KLKB1: variants seen among roughly 807,000 people sequenced by gnomAD.
The protein encoded by KLKB1 is plasma kallikrein.
In KLKB1, 58 loss-of-function variants were observed where a neutral mutation model predicts 73.6. The observed-to-expected ratio is 0.79, with a 90% CI of 0.64 to 0.98. The LOEUF (loss-of-function observed/expected upper bound fraction) is 0.98. Among genes scored for constraint, KLKB1 ranks in the 50% least tolerant of loss-of-function variants. The pLI, the probability that KLKB1 is intolerant of heterozygous loss-of-function variation, is 0.00. For synonymous variants in KLKB1, 280 were observed against 258.1 expected (o/e 1.08, Z -0.81); for missense variants, 737 against 763.8 (o/e 0.96, Z 0.41).
chr4:186,219,781 A>G (rs560494197), intron 2 of KLKB1, among the ~76,000 whole-genome samples: 1 of 152,282 alleles, frequency 6.6e-6, no homozygotes, highest in African/African-American at 2.4e-5. Context: ...GGCCTTATGT[A>G]GCACTGCCTG....
At chr4:186,238,199 C>A in intron 5 of KLKB1, 57 bp from the exon 6 acceptor site, 2 of 1,089,176 alleles carry the variant, frequency 1.8e-6, no homozygotes, top group Non-Finnish European at 2.9e-6. Flanking sequence ...GTTACCTGCA[C>A]TGCTCCCTGC....
At chr4:186,227,843 C>T (rs1418460789) in intron 1 of KLKB1, among the ~76,000 whole-genome samples, 4 of 152,072 alleles carry the variant, frequency 2.6e-5, no homozygotes, top group Admixed American at 2.6e-4. Flanking sequence ...TTTGGACTGA[C>T]ATTATTGCCA....
In KLKB1 at chr4:186,251,381, T is replaced by C. The variant is rs1738666084; in HGVS notation, c.868+53T>C. 19 of 1,517,588 alleles carry C rather than the reference T, an allele frequency of 1.3e-5. No homozygotes were observed. The East Asian group carries it at 4.1e-4, about 32-fold the overall frequency. The allele number at this position is 1,517,588 out of a possible 1,614,324, so 94.0% of individuals were successfully genotyped here. On this transcript the variant is annotated intron_variant, in intron 8 of 14. Transcript: ENST00000264690. ...TAAAATGTAACCTATTTCATGACTTTTAACAGCAACAGTGATGAAACAATC... is the reference window on the plus strand; with the variant it reads ...TAAAATGTAACCTATTTCATGACTTCTAACAGCAACAGTGATGAAACAATC...
In KLKB1 at chr4:186,240,672, C is replaced by T. The variant is rs4253354; in HGVS notation, c.598+2307C>T. ...TATTGGGTGCTGGGCTAGGATTTCC[C>T]TGTGGAAGATTGGGAAGGTTGGTTA... On this transcript the variant is annotated intron_variant, in intron 6 of 14. Coordinates refer to ENST00000264690, the MANE Select transcript of KLKB1 (RefSeq NM_000892.5). Among the ~76,000 whole-genome samples the T allele has an allele frequency of 2.2e-3, 331 of 152,302 alleles. 1 individual carries two copies. Among genetic ancestry groups the T allele is most frequent in the East Asian group, 8.9e-3 (46 of 5,182 alleles).
At chr4:186,252,329 G>C in intron 11 of KLKB1, 144 bp downstream of exon 11, 1 of 927,162 alleles carries the variant, frequency 1.1e-6, no homozygotes, top group Non-Finnish European at 1.7e-6. Flanking sequence ...TAACTTATAG[G>C]GTCCAAGCAC....
At chr4:186,227,321 C>T (rs4253239), upstream of KLKB1, 19,091 of 152,158 alleles carry the variant, frequency 0.13, 1,516 homozygotes, top group Middle Eastern at 0.2. Flanking sequence ...AAGGGATGAG[C>T]GCTAGAAACT....
chr4:186,254,449 C>G, intron 11 of KLKB1, 139 bp from the exon 12 acceptor site: 1 of 749,102 alleles, frequency 1.3e-6, no homozygotes, highest in African/African-American at 1.7e-5. Context: ...GAAAAATTAC[C>G]AGAAGGAGGA....
chr4:186,216,615 G>C (rs144475595), intron 2 of KLKB1, among the ~76,000 whole-genome samples: 28 of 152,260 alleles, frequency 1.8e-4, no homozygotes, highest in African/African-American at 6.3e-4. Flanking sequence ...TGTCTAAGGG[G>C]AGGTTCTGGA....
chr4:186,233,649 A>G (rs1737516407), intron 3 of KLKB1, among the ~76,000 whole-genome samples: 1 of 152,242 alleles, frequency 6.6e-6, no homozygotes, highest in Non-Finnish European at 1.5e-5. Context: ...ATTTGCAAAA[A>G]TAATTACCAA....
At chr4:186,215,470 T>C (rs1369638103) in intron 2 of KLKB1, among the ~76,000 whole-genome samples, 1 of 151,748 alleles carries the variant, frequency 6.6e-6, no homozygotes. Context: ...TTTTTTTCTA[T>C]ATTCTACCTC....
Position 186,238,363 on chromosome 4 carries a change from T to C in KLKB1, c.596T>C (p.Ile199Thr), listed in dbSNP as rs1306235549. The C allele has an allele frequency of 5.0e-6, 8 of 1,603,390 alleles. No individual in the cohort carries two copies. The highest frequency in any genetic ancestry group is 2.2e-5 in the East Asian group (1 of 44,824). The change falls in exon 6 of 15, where the codon ATT becomes ACT. Residue 199 changes from isoleucine to threonine, a missense_variant and splice_region_variant. Physicochemically the swap from Ile to Thr is moderately conservative, Grantham distance 89. Coordinates refer to ENST00000264690, the MANE Select transcript of KLKB1 (RefSeq NM_000892.5). ...FSLKPCALSE[I>T]GCHMNIFQHL... ...CTGAAGCCCTGTGCCCTTTCAGAAA[T>C]TGGTAATTGTAGGACTACTTCACTT...
At chr4:186,218,400 C>T (rs1307631273) in intron 2 of KLKB1, among the ~76,000 whole-genome samples, 5 of 152,176 alleles carry the variant, frequency 3.3e-5, no homozygotes, top group East Asian at 1.9e-4. Flanking sequence ...CCACTAAATA[C>T]TGGGAATGTT....
intron 2 of KLKB1, among the ~76,000 whole-genome samples, chr4:186,216,542 A>T (rs1299755166): frequency 6.6e-6 from 1 of 152,122 alleles, no homozygotes; most frequent in Non-Finnish European, 1.5e-5. Flanking sequence ...CAGTGGTCTG[A>T]TTGAAGTGAG....
intron 2 of KLKB1, among the ~76,000 whole-genome samples, chr4:186,218,055 A>C (rs1736945842): frequency 6.6e-6 from 1 of 152,218 alleles, no homozygotes; most frequent in Non-Finnish European, 1.5e-5. Flanking sequence ...GCAGGCATAG[A>C]CAGCAAGTGA....
rs772101188 is a variant in KLKB1 at position 186,250,415 on chromosome 4, G to A, written c.758+13G>A. On this transcript the variant is annotated intron_variant, in intron 7 of 14. Transcript: ENST00000264690. ...TCGAGTCACAAAGGCGAGTATGCAT[G>A]GAAAATCGCATCACAAAGGCGAGTA... 6.2e-7 allele frequency: 1 copy of A among 1,613,564 alleles called. No homozygotes were observed. Among genetic ancestry groups the A allele is most frequent in the Non-Finnish European group, 8.5e-7 (1 of 1,179,484 alleles).
At chr4:186,230,778 C>T (rs1259477949) in intron 2 of KLKB1, among the ~76,000 whole-genome samples, 1 of 152,148 alleles carries the variant, frequency 6.6e-6, no homozygotes, top group African/African-American at 2.4e-5. Flanking sequence ...TGCATGGGAA[C>T]TGGGGGCTGG....
At position 186,220,628 on chromosome 4, in the gene KLKB1, G is replaced by C. The variant is rs1344479778; in HGVS notation, c.201+11356G>C. On this transcript the variant is annotated intron_variant, in intron 2 of 14. Transcript: ENST00000511608. ...GAATGTGGTATATAGCATTTATTGAGTTGCATATGTTGAACCATCCTTGCA... is the reference window on the plus strand; with the variant it reads ...GAATGTGGTATATAGCATTTATTGACTTGCATATGTTGAACCATCCTTGCA... Among the ~76,000 whole-genome samples the C allele has an allele frequency of 2.0e-5, 3 of 152,134 alleles. No homozygotes were observed. In the East Asian group the frequency reaches 5.8e-4, roughly 29 times the overall value.
chr4:186,257,324 G>A lies in KLKB1; in HGVS notation c.1684G>A (p.Val562Ile), dbSNP rs61750344. ...AGATTATAAAATAACCCAACGGATGGTCTGTGCTGGCTATAAAGAAGGGGG... is the reference window on the plus strand; with the variant it reads ...AGATTATAAAATAACCCAACGGATGATCTGTGCTGGCTATAAAGAAGGGGG... ...YQDYKITQRM[V>I]CAGYKEGGKD... Residue 562 changes from valine to isoleucine, a missense_variant, in exon 14 of 15, where the codon GTC becomes ATC. Physicochemically the swap from Val to Ile is conservative, Grantham distance 29 (BLOSUM62 3). Transcript: ENST00000264690. 119 of 1,604,906 alleles carry A rather than the reference G, an allele frequency of 7.4e-5. No individual in the cohort carries two copies. Among genetic ancestry groups the A allele is most frequent in the Non-Finnish European group, 6.8e-5 (80 of 1,174,942 alleles).
chr4:186,249,273 G>A (rs920898495), intron 6 of KLKB1, among the ~76,000 whole-genome samples: 1 of 152,084 alleles, frequency 6.6e-6, no homozygotes, highest in East Asian at 1.9e-4. Flanking sequence ...GTTCTTAGAG[G>A]TTTATAGTTT....
Sources: gnomAD v4.1 joint callset for allele counts (sites outside exome capture counted in the v4.1 genomes callset) on GRCh38, gnomAD v4.1.1 for gene constraint, MANE v1.5 for transcripts, NCBI Gene and HGNC (gene_info 2026-07-23, HGNC 2026-07-21) for gene names.